Variants in PKD1L1 observed in about 807,000 individuals in gnomAD.
The protein encoded by PKD1L1 is polycystin 1 like 1, transient receptor potential channel interacting, also known as polycystin-1-like protein 1.
PKD1L1 carries 236 observed loss-of-function variants against 323.4 expected under a neutral mutation model. That is an observed-to-expected ratio of 0.73 (90% confidence interval 0.66 to 0.81). The LOEUF is 0.81. Ranked by LOEUF, PKD1L1 falls within the 40% of genes least tolerant of loss-of-function variation. The probability of loss-of-function intolerance (pLI) is 0.00; values close to 1 mark genes in which losing one functional copy is unlikely to be tolerated. For missense variants in PKD1L1, 3,320 were observed against 3,508.0 expected (o/e 0.95, Z 1.35); for synonymous variants, 1,344 against 1,335.0 (o/e 1.01, Z -0.15).
In PKD1L1 at chr7:47,908,259, A is replaced by G; in HGVS notation, c.1229-9T>C. ...GAGCATATAGACTCCTTCTGGAAAAATAAGAATGAACGGACACTTGATGAA... is the reference window on the plus strand; with the variant it reads ...GAGCATATAGACTCCTTCTGGAAAAGTAAGAATGAACGGACACTTGATGAA... On this transcript the variant is annotated splice_polypyrimidine_tract_variant and intron_variant, in intron 8 of 56. Transcript: ENST00000289672. The G allele has an allele frequency of 6.2e-7, 1 of 1,608,992 alleles. No individual in the cohort carries two copies. The highest frequency in any genetic ancestry group is 8.5e-7 in the Non-Finnish European group (1 of 1,176,728).
At chr7:47,934,576 C>A (rs2128756628) in intron 4 of PKD1L1, among the ~76,000 whole-genome samples, 1 of 152,218 alleles carries the variant, frequency 6.6e-6, no homozygotes, top group Admixed American at 6.5e-5. Flanking sequence ...TAGTGATTTT[C>A]TTTAGGAAAA....
chr7:47,854,957 G>A lies in PKD1L1; in HGVS notation c.4784C>T (p.Pro1595Leu). The stretch of plus-strand genomic sequence containing the variant: ...AATTTCTATCTGTAGAGATTCCTGG[G>A]GGTTTTCGGAAAGCTCAGTGAACTG... ...LHQFTELSEN[P>L]QESLQIEIEF... Residue 1595 changes from proline (P) to leucine (L), a missense_variant, in exon 30 of 57, where the codon CCC becomes CTC. By Grantham distance (98) the Pro-to-Leu change is moderately conservative. Coordinates refer to ENST00000289672, the MANE Select transcript of PKD1L1 (RefSeq NM_138295.5). 6.2e-7 allele frequency: 1 copy of A among 1,614,020 alleles called. No homozygotes were observed. Among genetic ancestry groups the A allele is most frequent in the East Asian group, 2.2e-5 (1 of 44,882 alleles).
rs569268191 is a variant in PKD1L1 at position 47,786,770 on chromosome 7, A to G, written c.8526+5857T>C. On this transcript the variant is annotated intron_variant, in intron 56 of 56. Coordinates refer to ENST00000289672, the MANE Select transcript of PKD1L1 (RefSeq NM_138295.5). ...ATCGCAGTAGAGAAGAGGCCCGAGC[A>G]AGGAGCAGGGCAAGAGCTCGGAGGT... Among the ~76,000 whole-genome samples, 150 of 152,326 alleles carry G rather than the reference A, an allele frequency of 9.8e-4. 1 individual carries two copies. In the South Asian group the frequency reaches 0.019, roughly 20 times the overall value.
intron 7 of PKD1L1, among the ~76,000 whole-genome samples, chr7:47,922,334 C>G (rs1787561847): frequency 6.6e-6 from 1 of 152,226 alleles, no homozygotes; most frequent in South Asian, 2.1e-4. Context: ...CTGCCACTAC[C>G]CCGTCTAGGA....
chr7:47,832,377 G>T (rs1184270412), intron 41 of PKD1L1, among the ~76,000 whole-genome samples: 1 of 152,230 alleles, frequency 6.6e-6, no homozygotes, highest in Non-Finnish European at 1.5e-5. Flanking sequence ...TGCCTACGCT[G>T]AAGGCTCACC....
intron 15 of PKD1L1, 144 bp downstream of exon 15, chr7:47,893,734 G>T: frequency 2.5e-6 from 2 of 792,390 alleles, no homozygotes; most frequent in Non-Finnish European, 1.9e-6. Flanking sequence ...CTTATATTTT[G>T]TTCCTAAATA....
At chr7:47,803,418 G>A in intron 52 of PKD1L1, 74 bp from the exon 53 acceptor site, 1 of 1,544,572 alleles carries the variant, frequency 6.5e-7, no homozygotes, top group South Asian at 1.2e-5. Flanking sequence ...ACAGCTGTCA[G>A]TCATGCATAA....
In PKD1L1 at chr7:47,936,784, G is replaced by C. The variant is rs575588369; in HGVS notation, c.398+62C>G. 4 of 1,301,912 alleles carry C rather than the reference G, an allele frequency of 3.1e-6. No homozygotes were observed. The African/African-American group carries it at 4.5e-5, about 15-fold the overall frequency. The allele number at this position is 1,301,912 out of a possible 1,614,324, so 80.6% of individuals were successfully genotyped here. A position where few individuals can be genotyped will look rare whatever the true frequency, so the allele number is the denominator to read the frequency against. The stretch of plus-strand genomic sequence containing the variant: ...GACTTTCACATCTGAGCAATTCTTT[G>C]TAAGTTCCATGTCATTTGCATGTTC... On this transcript the variant is annotated intron_variant, in intron 4 of 56. Transcript: ENST00000289672.
intron 6 of PKD1L1, among the ~76,000 whole-genome samples, chr7:47,930,250 G>A (rs954850053): frequency 6.6e-6 from 1 of 150,624 alleles, no homozygotes; most frequent in Non-Finnish European, 1.5e-5. Context: ...CCAGTGTGCT[G>A]TGCATGTCCC....
At chr7:47,943,951 T>C (rs1788048459) in intron 1 of PKD1L1, among the ~76,000 whole-genome samples, 1 of 152,194 alleles carries the variant, frequency 6.6e-6, no homozygotes, top group Non-Finnish European at 1.5e-5. Flanking sequence ...GGATCTGGCA[T>C]GCTGCAGAAA....
At chr7:47,895,349 G>T (rs1786912339) in intron 14 of PKD1L1, among the ~76,000 whole-genome samples, 1 of 152,226 alleles carries the variant, frequency 6.6e-6, no homozygotes, top group Non-Finnish European at 1.5e-5. Context: ...TGTCCCATAG[G>T]CTGGACACAT....
chr7:47,899,875 G>A (rs1431561300), intron 13 of PKD1L1, among the ~76,000 whole-genome samples: 4 of 150,830 alleles, frequency 2.7e-5, no homozygotes, highest in Non-Finnish European at 5.9e-5. Flanking sequence ...AGAATGGTGT[G>A]AACCCGGGAG....
At position 47,857,720 on chromosome 7, in the gene PKD1L1, G is replaced by C; in HGVS notation, c.4475C>G (p.Pro1492Arg). 1.2e-6 allele frequency: 2 copies of C among 1,614,146 alleles called. No homozygotes were observed. The highest frequency in any genetic ancestry group is 1.7e-6 in the Non-Finnish European group (2 of 1,180,034). The change falls in exon 28 of 57, where the codon CCT becomes CGT. Residue 1492 changes from proline (P) to arginine (R), a missense_variant. Coordinates refer to ENST00000289672, the MANE Select transcript of PKD1L1 (RefSeq NM_138295.5). ...AGGACTGTGCCCAGCAAGGTCACCAGGTAAATGCACCTGGACAGATCCCAG... is the reference window on the plus strand; with the variant it reads ...AGGACTGTGCCCAGCAAGGTCACCACGTAAATGCACCTGGACAGATCCCAG... ...QSLGSVQVHL[P>R]GDLAGHSPAG...
intron 42 of PKD1L1, 44 bp downstream of exon 42, chr7:47,831,173 T>A: frequency 6.3e-7 from 1 of 1,581,878 alleles, no homozygotes; most frequent in Non-Finnish European, 8.6e-7. Context: ...TGCGAGACTT[T>A]CCATCTGAGG....
chr7:47,883,510 T>C (rs1377590865), intron 19 of PKD1L1, among the ~76,000 whole-genome samples: 1 of 152,244 alleles, frequency 6.6e-6, no homozygotes, highest in African/African-American at 2.4e-5. Context: ...TCCTGTCTGC[T>C]GTCTCCTGAC....
chr7:47,873,495 A>G (rs1786327955), intron 24 of PKD1L1, among the ~76,000 whole-genome samples: 1 of 151,888 alleles, frequency 6.6e-6, no homozygotes, highest in African/African-American at 2.4e-5. Context: ...AAAAATACAA[A>G]AATTAGTCAG....
chr7:47,955,008 C>T, the PKD1L1 span, among the ~76,000 whole-genome samples: 1 of 152,228 alleles, frequency 6.6e-6, no homozygotes, highest in African/African-American at 2.4e-5. Context: ...ATCTTCCTTA[C>T]TGTCCAGTGA....
intron 31 of PKD1L1, 57 bp from the exon 32 acceptor site, chr7:47,847,128 T>A: frequency 7.1e-7 from 1 of 1,401,900 alleles, no homozygotes; most frequent in Non-Finnish European, 9.5e-7. Flanking sequence ...AAAGGCATTC[T>A]CCATTTCAAA....
intron 7 of PKD1L1, among the ~76,000 whole-genome samples, chr7:47,922,205 C>T (rs1787558376): frequency 6.6e-6 from 1 of 152,220 alleles, no homozygotes; most frequent in African/African-American, 2.4e-5. Flanking sequence ...GAGTCTAGCT[C>T]ACTCAGTGCT....
Sources: allele counts gnomAD v4.1 joint callset (sites outside exome capture counted in the v4.1 genomes callset), GRCh38; gene constraint gnomAD v4.1.1; transcripts MANE v1.5; gene names NCBI Gene and HGNC (gene_info 2026-07-23, HGNC 2026-07-21).